The following TBK1 variants were observed in gnomAD, a reference collection of about 807,000 sequenced individuals.
TBK1 encodes the protein serine/threonine-protein kinase TBK1.
TBK1 carries 37 observed loss-of-function variants against 99.9 expected under a neutral mutation model. The ratio of observed to expected loss-of-function variants is 0.37; its 90% confidence interval spans 0.28 to 0.49. The LOEUF is 0.49. Ranked by LOEUF, TBK1 falls within the 20% of genes least tolerant of loss-of-function variation. The probability of loss-of-function intolerance (pLI) is 0.98; values close to 1 mark genes in which losing one functional copy is unlikely to be tolerated. For missense variants in TBK1, 644 were observed against 872.5 expected, an observed-to-expected ratio of 0.74 and a Z score of 3.30; for synonymous variants, 258 against 279.8, an observed-to-expected ratio of 0.92 and a Z score of 0.78.
chr12:64,457,087 T>G (rs1477885989), intron 2 of TBK1, among the ~76,000 whole-genome samples: 1 of 152,110 alleles, frequency 6.6e-6, no homozygotes, highest in Non-Finnish European at 1.5e-5. Context: ...GCTTCCTAAA[T>G]CCTTATTTTC....
intron 6 of TBK1, among the ~76,000 whole-genome samples, chr12:64,476,393 C>T (rs1402580035): frequency 5.3e-5 from 8 of 151,934 alleles, no homozygotes; most frequent in African/African-American, 9.7e-5. Flanking sequence ...CTCCTGACCT[C>T]GTGATCCACC....
intron 6 of TBK1, among the ~76,000 whole-genome samples, chr12:64,479,178 A>G (rs955043361): frequency 6.6e-6 from 1 of 152,238 alleles, no homozygotes; most frequent in African/African-American, 2.4e-5. Flanking sequence ...CATGTTATGA[A>G]TGTACTTATA....
chr12:64,455,837 T>C lies in TBK1; in HGVS notation c.-31-3T>C, dbSNP rs1416793855. ...ATAGTTGCAAATTTTTTTTTTCTCT[T>C]AGTATAACAAGAGGATTGCCTGATC... On this transcript the variant is annotated splice_region_variant and splice_polypyrimidine_tract_variant and intron_variant, in intron 1 of 20. Transcript: ENST00000331710. The C allele has an allele frequency of 6.4e-7, 1 of 1,558,180 alleles. No individual in the cohort carries two copies. The highest frequency in any genetic ancestry group is 2.2e-5 in the East Asian group (1 of 44,672).
chr12:64,480,638 C>A lies in TBK1; in HGVS notation c.812+516C>A, dbSNP rs114278414. Among the ~76,000 whole-genome samples the A allele has an allele frequency of 5.1e-3, 770 of 151,970 alleles. 9 individuals carry two copies. The highest frequency in any genetic ancestry group is 0.017 in the African/African-American group (719 of 41,488). On this transcript the variant is annotated intron_variant, in intron 7 of 20. Coordinates refer to ENST00000331710, the MANE Select transcript of TBK1 (RefSeq NM_013254.4). ...CTTGTTTAATGTCACAGACAGAAAT[C>A]AAAAAAATTATATTGTCATTTAAGA...
intron 17 of TBK1, 29 bp downstream of exon 17, chr12:64,497,079 T>C (rs2040933810): frequency 6.3e-7 from 1 of 1,591,530 alleles, no homozygotes; most frequent in Non-Finnish European, 8.6e-7. Flanking sequence ...GAGTGATTAG[T>C]GGTTGACTGC....
chr12:64,461,577 G>A (rs1389596674), intron 3 of TBK1, among the ~76,000 whole-genome samples: 2 of 152,174 alleles, frequency 1.3e-5, no homozygotes, highest in African/African-American at 2.4e-5. Context: ...AGAATGTGTG[G>A]CAGATAGTTA....
chr12:64,457,042 G>A (rs918965270), intron 2 of TBK1, among the ~76,000 whole-genome samples: 3 of 152,100 alleles, frequency 2.0e-5, no homozygotes, highest in African/African-American at 7.2e-5. Flanking sequence ...ATTTTTCAGT[G>A]CTATGAATTT....
intron 20 of TBK1, 93 bp downstream of exon 20, chr12:64,498,132 G>A: frequency 9.6e-7 from 1 of 1,044,620 alleles, no homozygotes; most frequent in Non-Finnish European, 1.4e-6. Flanking sequence ...AGATTCAGCA[G>A]TGGTAAAGGG....
rs997961588 is a variant in TBK1, at chr12:64,500,883, C to T, written c.2139-447C>T. Among the ~76,000 whole-genome samples the T allele has an allele frequency of 2.0e-5, 3 of 151,870 alleles. No homozygotes were observed. In the East Asian group the frequency reaches 5.8e-4, roughly 29 times the overall value. On this transcript the variant is annotated intron_variant, in intron 20 of 20. Coordinates refer to ENST00000331710, the MANE Select transcript of TBK1 (RefSeq NM_013254.4). ...AAGCAATTCTCCTGCCTCAGCCTCC[C>T]GAGTAGCTGGGACTATAGGCACACG...
chr12:64,458,086 AACACACACACACACAC>A (rs71092969), intron 2 of TBK1, among the ~76,000 whole-genome samples: 3 of 143,570 alleles, frequency 2.1e-5, no homozygotes, highest in Admixed American at 7.0e-5. Context: ...GTCTCTACTA[AACACACACACACACAC>A]ACACACACAC....
In TBK1 at chr12:64,488,549, T is replaced by G; in HGVS notation, c.1403T>G (p.Leu468Trp). 6.2e-7 allele frequency: 1 copy of G among 1,606,840 alleles called. No homozygotes were observed. The highest frequency in any genetic ancestry group is 8.5e-7 in the Non-Finnish European group (1 of 1,177,410). The change falls in exon 12 of 21, where the codon TTG (leucine) becomes TGG (tryptophan). Residue 468 changes from leucine to tryptophan, a missense_variant. By Grantham distance (61) the Leu-to-Trp change is moderately conservative. Transcript: ENST00000331710. ...VHKKTEVVIT[L>W]DFCIRNIEKT... ...AAAAAGACAGAAGTTGTGATCACAT[T>G]GGATTTCTGTATCAGAAACATTGAA...
At chr12:64,469,140 ATG>A (rs1208535727) in intron 5 of TBK1, among the ~76,000 whole-genome samples, 13 of 152,050 alleles carry the variant, frequency 8.5e-5, no homozygotes, top group Non-Finnish European at 1.8e-4. Flanking sequence ...GATCTGGAGA[ATG>A]TGTCATAGAA....
chr12:64,467,025 T>C lies in TBK1; in HGVS notation c.483T>C (p.Ala161=), dbSNP rs749704874. ...ACAAACTCACAGATTTTGGTGCAGCTAGAGAATTAGAAGATGATGAGCAGT... is the reference window on the plus strand; with the variant it reads ...ACAAACTCACAGATTTTGGTGCAGCCAGAGAATTAGAAGATGATGAGCAGT... ...SVYKLTDFGA[A]RELEDDEQFV... Residue 161 remains alanine (A), a synonymous_variant, in exon 5 of 21, where the codon GCT becomes GCC. Transcript: ENST00000331710. The C allele has an allele frequency of 6.2e-7, 1 of 1,611,740 alleles. No individual in the cohort carries two copies. The highest frequency in any genetic ancestry group is 1.1e-5 in the South Asian group (1 of 90,756).
In TBK1 at chr12:64,496,330, C is replaced by T. The variant is rs752537262; in HGVS notation, c.1721-37C>T. On this transcript the variant is annotated intron_variant, in intron 15 of 20. Coordinates refer to ENST00000331710, the MANE Select transcript of TBK1 (RefSeq NM_013254.4). ...ATACATTGTGTATAATATTATGATTCTATATTAACAACAGTAATATATTTT... is the reference window on the plus strand; with the variant it reads ...ATACATTGTGTATAATATTATGATTTTATATTAACAACAGTAATATATTTT... 44 of 984,266 alleles carry T rather than the reference C, an allele frequency of 4.5e-5. No individual in the cohort carries two copies. In the African/African-American group the frequency reaches 6.6e-4, roughly 15 times the overall value. The allele number at this position is 984,266 out of a possible 1,614,324, so 61.0% of individuals were successfully genotyped here.
At position 64,474,269 on chromosome 12, in the gene TBK1, C is replaced by G; in HGVS notation, c.580C>G (p.His194Asp). 1 of 1,613,508 alleles carries G rather than the reference C, an allele frequency of 6.2e-7. No individual in the cohort carries two copies. Among genetic ancestry groups the G allele is most frequent in the Non-Finnish European group, 8.5e-7 (1 of 1,179,924 alleles). ...TGAGAGAGCAGTGCTAAGAAAAGAT[C>G]ATCAGAAGAAATATGGAGCAACAGT... ...MYERAVLRKD[H>D]QKKYGATVDL... is the part of the protein sequence containing the mutation. The change falls in exon 6 of 21, where the codon CAT (histidine) becomes GAT (aspartate). Residue 194 changes from histidine (H) to aspartate (D), a missense_variant. Around this residue, in one of 3 missense-constraint regions of TBK1, gnomAD observed 31 missense variants for 82.4 expected, o/e 0.38. Coordinates refer to ENST00000331710, the MANE Select transcript of TBK1 (RefSeq NM_013254.4).
chr12:64,474,174 T>C (rs2040689646), intron 5 of TBK1, 56 bp from the exon 6 acceptor site: 1 of 1,500,152 alleles, frequency 6.7e-7, no homozygotes, highest in Non-Finnish European at 9.0e-7. Flanking sequence ...TCCATTTGTT[T>C]GTATAATGAA....
At chr12:64,476,150 C>CT (rs59104364) in intron 6 of TBK1, among the ~76,000 whole-genome samples, 1,222 of 51,864 alleles carry the variant, frequency 0.024, 55 homozygotes, top group East Asian at 0.049. Flanking sequence ...GCGTAGTCTT[C>CT]TTTTTTTTTT....
In TBK1 at chr12:64,497,629, T is replaced by TG; in HGVS notation, c.1960-19_1960-18insG. 1 of 1,449,430 alleles carries TG rather than the reference T, an allele frequency of 6.9e-7. No individual in the cohort carries two copies. Among genetic ancestry groups the TG allele is most frequent in the South Asian group, 1.3e-5 (1 of 74,846 alleles). The allele number at this position is 1,449,430 out of a possible 1,614,324, so 89.8% of individuals were successfully genotyped here. A position where few individuals can be genotyped will look rare whatever the true frequency, so the allele number is the denominator to read the frequency against. On this transcript the variant is annotated intron_variant, in intron 18 of 20. Coordinates refer to ENST00000331710, the MANE Select transcript of TBK1 (RefSeq NM_013254.4). ...TAATGTGGGGTTTTTTTCTTTTTTT[T>TG]TTTTTTTTGATGTTTCAGTTACAAG...
intron 6 of TBK1, among the ~76,000 whole-genome samples, chr12:64,475,323 G>A (rs1272871662): frequency 6.6e-6 from 1 of 151,986 alleles, no homozygotes; most frequent in East Asian, 1.9e-4. Flanking sequence ...TTAGTTAAAA[G>A]GGTATGTTGT....
Sources: allele counts gnomAD v4.1 joint callset (sites outside exome capture counted in the v4.1 genomes callset), GRCh38; gene constraint gnomAD v4.1.1; regional missense constraint gnomAD v4.1.1; transcripts MANE v1.5; gene names NCBI Gene and HGNC (gene_info 2026-07-23, HGNC 2026-07-21).